Variants in NKAIN2 observed in about 807,000 individuals in gnomAD.
NKAIN2 encodes the protein sodium/potassium transporting ATPase interacting 2.
Under a neutral mutation model 32.6 loss-of-function variants are expected in NKAIN2, and 14 were observed. The observed-to-expected ratio is 0.43, with a 90% confidence interval of 0.28 to 0.67. The LOEUF (loss-of-function observed/expected upper bound fraction) is 0.67, where lower values mean the gene tolerates loss of function less well. Ranked by LOEUF, NKAIN2 falls within the 30% of genes least tolerant of loss-of-function variation. The pLI is 0.17. For missense variants in NKAIN2, 198 were observed against 258.3 expected (o/e 0.77, Z 1.60); for synonymous variants, 80 against 87.2 (o/e 0.92, Z 0.46).
rs188442774 is a variant in NKAIN2, at chr6:123,962,166, A to G, written c.54+157912A>G. On this transcript the variant is annotated intron_variant, in intron 1 of 6. Coordinates refer to ENST00000368417, the MANE Select transcript of NKAIN2 (RefSeq NM_001040214.3). ...GAAAACCTATAACAGTATTATACCA[A>G]ACAAAAACTTTGCATGTATTTTCAA... Among the ~76,000 whole-genome samples the G allele has an allele frequency of 5.4e-3, 828 of 152,308 alleles. 4 individuals carry two copies. Among genetic ancestry groups the G allele is most frequent in the African/African-American group, 0.018 (750 of 41,578 alleles).
chr6:124,693,388 A>C (rs566246515), intron 4 of NKAIN2, among the ~76,000 whole-genome samples: 26 of 152,338 alleles, frequency 1.7e-4, no homozygotes, highest in African/African-American at 6.0e-4. Flanking sequence ...GGTTTGTATA[A>C]GTACACTCTG....
At chr6:124,294,411 A>G (rs1022466662) in intron 2 of NKAIN2, among the ~76,000 whole-genome samples, 1 of 152,124 alleles carries the variant, frequency 6.6e-6, no homozygotes, top group Admixed American at 6.6e-5. Context: ...TTTGTCAAAT[A>G]ATAATTATAA....
chr6:123,999,811 G>T (rs1456176173), intron 1 of NKAIN2, among the ~76,000 whole-genome samples: 1 of 152,066 alleles, frequency 6.6e-6, no homozygotes, highest in Non-Finnish European at 1.5e-5. Flanking sequence ...AGAGAGAAAT[G>T]TCAGAATATT....
rs538371472 is a variant in NKAIN2, at chr6:124,366,280, ACT to A, written c.273+10936_273+10937del. Among the ~76,000 whole-genome samples the A allele has an allele frequency of 5.8e-4, 88 of 152,212 alleles. No homozygotes were observed. In the South Asian group the frequency reaches 0.017, roughly 30 times the overall value. On this transcript the variant is annotated intron_variant, in intron 3 of 6. Coordinates refer to ENST00000368417, the MANE Select transcript of NKAIN2 (RefSeq NM_001040214.3). ...TCACCTTTTGCTAATATCACAAATA[ACT>A]CTATAGATGATTGGAGAGAGTACAT...
intron 1 of NKAIN2, among the ~76,000 whole-genome samples, chr6:124,121,654 G>A (rs1487664675): frequency 6.6e-6 from 1 of 152,080 alleles, no homozygotes; most frequent in Non-Finnish European, 1.5e-5. Flanking sequence ...AGATGTAGGG[G>A]TTGATACAAT....
intron 3 of NKAIN2, among the ~76,000 whole-genome samples, chr6:124,557,719 A>G (rs565321105): frequency 6.6e-6 from 1 of 152,302 alleles, no homozygotes; most frequent in Non-Finnish European, 1.5e-5. Context: ...AGAAAGCATA[A>G]TTTACGATGC....
At chr6:124,120,101 A>G (rs947809318) in intron 1 of NKAIN2, among the ~76,000 whole-genome samples, 1 of 152,182 alleles carries the variant, frequency 6.6e-6, no homozygotes, top group Non-Finnish European at 1.5e-5. Flanking sequence ...GCCTCTCATT[A>G]TCGTTTAATA....
At chr6:124,122,767 A>G (rs1785944059) in intron 1 of NKAIN2, among the ~76,000 whole-genome samples, 1 of 152,134 alleles carries the variant, frequency 6.6e-6, no homozygotes, top group Non-Finnish European at 1.5e-5. Context: ...CCAAATTGAT[A>G]AAACTCTTTG....
chr6:123,954,243 G>A (rs1299209573), intron 1 of NKAIN2, among the ~76,000 whole-genome samples: 1 of 152,222 alleles, frequency 6.6e-6, no homozygotes, highest in Non-Finnish European at 1.5e-5. Flanking sequence ...AGCTATTTAG[G>A]ACTCGGGGTG....
At chr6:124,156,160 A>G (rs1236029119) in intron 1 of NKAIN2, among the ~76,000 whole-genome samples, 1 of 152,072 alleles carries the variant, frequency 6.6e-6, no homozygotes, top group Non-Finnish European at 1.5e-5. Flanking sequence ...GGGGGCCAGG[A>G]TGGAGATGAG....
chr6:124,283,061 C>A lies in NKAIN2; in HGVS notation c.111C>A (p.Ile37=). The part of the protein sequence containing the change: ...FDFLGYQWAP[I]LANFVHIIIV... ...TCCTTGGATATCAGTGGGCACCTATCCTGGCAAATTTTGTACATATTATTA... is the reference window on the plus strand; with the variant it reads ...TCCTTGGATATCAGTGGGCACCTATACTGGCAAATTTTGTACATATTATTA... The change falls in exon 2 of 7, where the codon ATC becomes ATA. Residue 37 remains isoleucine, a synonymous_variant. Coordinates refer to ENST00000368417, the MANE Select transcript of NKAIN2 (RefSeq NM_001040214.3). The A allele has an allele frequency of 6.2e-7, 1 of 1,612,552 alleles. No individual in the cohort carries two copies. The highest frequency in any genetic ancestry group is 8.5e-7 in the Non-Finnish European group (1 of 1,178,648).
chr6:123,877,021 T>A (rs1257277741), intron 1 of NKAIN2, among the ~76,000 whole-genome samples: 2 of 152,198 alleles, frequency 1.3e-5, no homozygotes, highest in Non-Finnish European at 1.5e-5. Context: ...ATCTTCTCAT[T>A]TCTAATACTT....
intron 1 of NKAIN2, among the ~76,000 whole-genome samples, chr6:124,090,878 C>A (rs1159884336): frequency 1.3e-5 from 2 of 151,806 alleles, no homozygotes; most frequent in South Asian, 4.1e-4. Flanking sequence ...TTTGAAGAAC[C>A]AAATGAGATA....
At chr6:124,325,624 G>A (rs1362885328) in intron 2 of NKAIN2, among the ~76,000 whole-genome samples, 1 of 152,130 alleles carries the variant, frequency 6.6e-6, no homozygotes, top group African/African-American at 2.4e-5. Flanking sequence ...ATTATGTGGA[G>A]TGATAGAAGC....
At chr6:123,838,602 TTTG>T (rs1774728750) in intron 1 of NKAIN2, among the ~76,000 whole-genome samples, 1 of 152,176 alleles carries the variant, frequency 6.6e-6, no homozygotes, top group South Asian at 2.1e-4. Context: ...ATATATTGAT[TTTG>T]TTTCACATAA....
At chr6:123,968,963 A>G (rs1042152464) in intron 1 of NKAIN2, among the ~76,000 whole-genome samples, 2 of 151,842 alleles carry the variant, frequency 1.3e-5, no homozygotes, top group African/African-American at 4.8e-5. Flanking sequence ...CTGTGAGGAG[A>G]GCTCCATTTC....
At chr6:124,485,485 A>G (rs1028458248) in intron 3 of NKAIN2, among the ~76,000 whole-genome samples, 8 of 152,158 alleles carry the variant, frequency 5.3e-5, no homozygotes, top group African/African-American at 1.9e-4. Flanking sequence ...TATATGCATT[A>G]TAAATAAATT....
chr6:123,940,164 G>A (rs1414009622), intron 1 of NKAIN2, among the ~76,000 whole-genome samples: 1 of 151,834 alleles, frequency 6.6e-6, no homozygotes, highest in Non-Finnish European at 1.5e-5. Flanking sequence ...TGCTGCTCGT[G>A]AGACAAAATT....
At chr6:124,704,064 C>T (rs1260343868) in intron 4 of NKAIN2, among the ~76,000 whole-genome samples, 4 of 151,566 alleles carry the variant, frequency 2.6e-5, no homozygotes, top group Admixed American at 2.0e-4. Context: ...TCTGGAAAAA[C>T]GTTGGTGTAG....
Sources: allele counts gnomAD v4.1 joint callset (sites outside exome capture counted in the v4.1 genomes callset), GRCh38; gene constraint gnomAD v4.1.1; transcripts MANE v1.5; gene names NCBI Gene and HGNC (gene_info 2026-07-23, HGNC 2026-07-21).